The following IRAK1BP1 variants were observed in gnomAD, a reference collection of about 807,000 sequenced individuals.
The protein encoded by IRAK1BP1 is interleukin 1 receptor associated kinase 1 binding protein 1.
A neutral mutation model predicts 28.0 loss-of-function variants in IRAK1BP1; 24 were observed. The ratio of observed to expected loss-of-function variants is 0.86; its 90% CI spans 0.62 to 1.20. The LOEUF (loss-of-function observed/expected upper bound fraction) is 1.20. IRAK1BP1 is among the 50% of genes most tolerant of loss of function. IRAK1BP1 has a pLI of 0.00. For missense variants in IRAK1BP1, 336 were observed against 316.7 expected (o/e 1.06, Z -0.46); for synonymous variants, 131 against 116.3 (o/e 1.13, Z -0.81).
chr6:78,963,604 G>A, the IRAK1BP1 span, among the ~76,000 whole-genome samples: 2 of 151,980 alleles, frequency 1.3e-5, no homozygotes, highest in African/African-American at 2.4e-5. Context: ...GTATACACAA[G>A]GTAAAACTGA....
At chr6:78,922,152 T>C (rs964476197) in intron 4 of IRAK1BP1, among the ~76,000 whole-genome samples, 26 of 152,118 alleles carry the variant, frequency 1.7e-4, no homozygotes, top group Admixed American at 1.6e-3. Flanking sequence ...TTTGAACCCA[T>C]GGCAAAGAAG....
rs1011211843 is a variant in IRAK1BP1, at chr6:78,900,882, T to C, written c.*2548T>C. The C allele has an allele frequency of 8.5e-5, 13 of 152,196 alleles. No individual in the cohort carries two copies. The highest frequency in any genetic ancestry group is 5.9e-5 in the Non-Finnish European group (4 of 68,030). 9.4% of individuals were successfully genotyped at this position (152,196 alleles called of 1,614,324 possible). The stretch of plus-strand genomic sequence containing the variant: ...GCTGCATTGTTTGATTATTGTTGGC[T>C]CAATTAAAAGTTGGCTTTTCCAAAT... On this transcript the variant is annotated 3_prime_UTR_variant, in exon 4 of 4. Transcript: ENST00000369940.
chr6:78,885,317 T>C (rs753940296), intron 1 of IRAK1BP1, 61 bp from the exon 2 acceptor site: 27 of 912,656 alleles, frequency 3.0e-5, no homozygotes, highest in Admixed American at 4.6e-5. Context: ...TTCTAATTTA[T>C]GTTTTAGAGT....
chr6:78,968,234 G>A, the IRAK1BP1 span, among the ~76,000 whole-genome samples: 1 of 151,972 alleles, frequency 6.6e-6, no homozygotes, highest in Admixed American at 6.6e-5. Context: ...CAAGAAAAAT[G>A]TTTTCATCTA....
chr6:78,932,123 C>G (rs1773062621), intron 4 of IRAK1BP1, among the ~76,000 whole-genome samples: 1 of 152,176 alleles, frequency 6.6e-6, no homozygotes, highest in African/African-American at 2.4e-5. Context: ...GAGATTGCAG[C>G]AATTCAGTCA....
chr6:78,964,171 A>G, the IRAK1BP1 span, among the ~76,000 whole-genome samples: 1 of 152,300 alleles, frequency 6.6e-6, no homozygotes. Flanking sequence ...CATGGTTACC[A>G]ATTGATTTAA....
Position 78,902,837 on chromosome 6 carries a change from T to A in IRAK1BP1, c.*4503T>A. The stretch of plus-strand genomic sequence containing the variant: ...ATACATACATAAAATGCCCAGTATC[T>A]TACAAGACTGTAGTTCACAGTGGGT... On this transcript the variant is annotated 3_prime_UTR_variant, in exon 4 of 4. Transcript: ENST00000369940. 1 of 581,458 alleles carries A rather than the reference T, an allele frequency of 1.7e-6. No homozygotes were observed. The highest frequency in any genetic ancestry group is 3.1e-6 in the Non-Finnish European group (1 of 327,238). The allele number at this position is 581,458 out of a possible 1,614,324, so 36.0% of individuals were successfully genotyped here. A position where few individuals can be genotyped will look rare whatever the true frequency, so the allele number is the denominator to read the frequency against.
rs990962610 is a variant in IRAK1BP1 at position 78,892,255 on chromosome 6, A to G, written c.382-5574A>G. 3.3e-5 allele frequency among the ~76,000 whole-genome samples: 5 copies of G among 152,022 alleles called. No individual in the cohort carries two copies. The East Asian group carries it at 7.7e-4, about 23-fold the overall frequency. ...GTTTCATTCAAAACCATCTATAGCT[A>G]TATTGTTCTACTTATGATTTGGCCA... On this transcript the variant is annotated intron_variant, in intron 2 of 3. Coordinates refer to ENST00000369940, the MANE Select transcript of IRAK1BP1 (RefSeq NM_001010844.4).
chr6:78,910,681 G>A (rs903201683), intron 4 of IRAK1BP1, among the ~76,000 whole-genome samples: 1 of 152,250 alleles, frequency 6.6e-6, no homozygotes, highest in African/African-American at 2.4e-5. Flanking sequence ...GATGACCCGG[G>A]CTCCCGCTCC....
At chr6:78,966,987 A>T in the IRAK1BP1 span, among the ~76,000 whole-genome samples, 4 of 152,222 alleles carry the variant, frequency 2.6e-5, no homozygotes, top group Non-Finnish European at 5.9e-5. Context: ...TTTTTGACTA[A>T]TGAGTTCTAT....
intron 4 of IRAK1BP1, among the ~76,000 whole-genome samples, chr6:78,924,929 C>T (rs1772845788): frequency 6.6e-6 from 1 of 152,072 alleles, no homozygotes; most frequent in Admixed American, 6.5e-5. Context: ...AAATGTCCAA[C>T]AATGATAGAT....
chr6:78,955,148 A>C, the IRAK1BP1 span: 1 of 999,568 alleles, frequency 1.0e-6, no homozygotes, highest in African/African-American at 1.7e-5. Flanking sequence ...GTCTTTTAAA[A>C]TGCTAAGAGT....
downstream of IRAK1BP1, among the ~76,000 whole-genome samples, chr6:78,906,447 C>T (rs1275859070): frequency 6.6e-6 from 1 of 152,066 alleles, no homozygotes; most frequent in East Asian, 1.9e-4. Flanking sequence ...ATTGTTTGCC[C>T]CCATTTGCCC....
rs1188973498 is a variant in IRAK1BP1 at position 78,893,312 on chromosome 6, G to GTA, written c.382-4516_382-4515insAT. Among the ~76,000 whole-genome samples, 79 of 64,182 alleles carry GTA rather than the reference G, an allele frequency of 1.2e-3. No homozygotes were observed. The East Asian group carries it at 0.015, about 12-fold the overall frequency. 42.1% of individuals were successfully genotyped at this position (64,182 alleles called of 152,430 possible). A position where few individuals can be genotyped will look rare whatever the true frequency, so the allele number is the denominator to read the frequency against. On this transcript the variant is annotated intron_variant, in intron 2 of 3. Coordinates refer to ENST00000369940, the MANE Select transcript of IRAK1BP1 (RefSeq NM_001010844.4). ...TATATATGTGTGTGTGTGTGTGTGT[G>GTA]TGTATATATATATATATATATATAT...
the IRAK1BP1 span, among the ~76,000 whole-genome samples, chr6:78,961,405 T>C: frequency 6.6e-6 from 1 of 152,066 alleles, no homozygotes; most frequent in Admixed American, 6.6e-5. Context: ...AGACAGTGAA[T>C]ATCAAATCAT....
chr6:78,882,144 T>C (rs1273399123), intron 1 of IRAK1BP1, among the ~76,000 whole-genome samples: 3 of 152,036 alleles, frequency 2.0e-5, no homozygotes, highest in Non-Finnish European at 4.4e-5. Flanking sequence ...AAAGAAAAGG[T>C]ACTATGCTTC....
At chr6:78,949,684 T>A (rs544722781), downstream of IRAK1BP1, among the ~76,000 whole-genome samples, 1 of 151,798 alleles carries the variant, frequency 6.6e-6, no homozygotes, top group Non-Finnish European at 1.5e-5. Flanking sequence ...GACTCTTTTT[T>A]ACTTTTTTTT....
Position 78,898,411 on chromosome 6 carries a change from AATATATATATATATATAT to A in IRAK1BP1, c.*94_*111del, listed in dbSNP as rs58937738. The A allele has an allele frequency of 2.7e-4, 23 of 86,506 alleles. 4 individuals carry two copies. The highest frequency in any genetic ancestry group is 8.1e-4 in the South Asian group (4 of 4,968). The allele number at this position is 86,506 out of a possible 1,614,324, so 5.4% of individuals were successfully genotyped here. ...TTTTATAATGTTTACGTTTGTCCTG[AATATATATATATATATAT>A]ATATATATATATATATGGTATAGGA... On this transcript the variant is annotated 3_prime_UTR_variant, in exon 4 of 4. Coordinates refer to ENST00000369940, the MANE Select transcript of IRAK1BP1 (RefSeq NM_001010844.4).
intron 4 of IRAK1BP1, among the ~76,000 whole-genome samples, chr6:78,922,653 A>G (rs1772770242): frequency 6.6e-6 from 1 of 152,202 alleles, no homozygotes; most frequent in African/African-American, 2.4e-5. Flanking sequence ...GAAGGAAAAA[A>G]TGTTAAGGGC....
Sources: allele counts gnomAD v4.1 joint callset (sites outside exome capture counted in the v4.1 genomes callset), GRCh38; gene constraint gnomAD v4.1.1; transcripts MANE v1.5; gene names NCBI Gene and HGNC (gene_info 2026-07-23, HGNC 2026-07-21).